Variants in GGNBP2 observed in about 807,000 individuals in gnomAD.
GGNBP2 encodes gametogenetin-binding protein 2.
GGNBP2 carries 10 observed loss-of-function variants against 85.9 expected under a neutral mutation model. The ratio of observed to expected loss-of-function variants is 0.12; its 90% CI spans 0.07 to 0.20. The LOEUF (loss-of-function observed/expected upper bound fraction) is 0.20, where lower values mean the gene tolerates loss of function less well. GGNBP2 is among the 10% of genes least tolerant of loss of function. The probability of loss-of-function intolerance (pLI) is 1.00; values close to 1 mark genes in which losing one functional copy is unlikely to be tolerated. For synonymous variants in GGNBP2, 287 were observed against 285.7 expected, an observed-to-expected ratio of 1.00 and a Z score of -0.05; for missense variants, 595 against 857.8, an observed-to-expected ratio of 0.69 and a Z score of 3.83.
At chr17:36,576,591 ATATATGTG>A (rs1347571869) in intron 6 of GGNBP2, 6 of 49,178 alleles carry the variant, frequency 1.2e-4, no homozygotes, top group Non-Finnish European at 2.3e-4. Context: ...AAAAATATAT[ATATATGTG>A]TGTGTGTGTG....
chr17:36,585,524 G>A (rs1170476993), intron 10 of GGNBP2, 74 bp downstream of exon 10: 1 of 1,035,296 alleles, frequency 9.7e-7, no homozygotes, highest in African/African-American at 1.6e-5. Context: ...AGAGCTTTTA[G>A]AGATTCTGTG....
At chr17:36,570,259 T>G (rs1046848048) in intron 6 of GGNBP2, among the ~76,000 whole-genome samples, 1 of 152,116 alleles carries the variant, frequency 6.6e-6, no homozygotes, top group Non-Finnish European at 1.5e-5. Context: ...AAACCTGTAG[T>G]CCTAGCTACT....
intron 6 of GGNBP2, among the ~76,000 whole-genome samples, chr17:36,571,047 G>A (rs1025841774): frequency 1.7e-4 from 26 of 152,046 alleles, no homozygotes; most frequent in African/African-American, 5.8e-4. Flanking sequence ...GTAGAACATC[G>A]GCAGATACTA....
intron 10 of GGNBP2, 129 bp from the exon 11 acceptor site, chr17:36,585,711 C>G: frequency 2.6e-6 from 2 of 767,968 alleles, no homozygotes; most frequent in East Asian, 5.7e-5. Context: ...AAAAATCCTT[C>G]ATTGGAAATG....
chr17:36,570,699 G>A (rs1023803982), intron 6 of GGNBP2, among the ~76,000 whole-genome samples: 10 of 151,296 alleles, frequency 6.6e-5, no homozygotes, highest in African/African-American at 1.9e-4. Flanking sequence ...GTGAAACTTC[G>A]TTCCCAAAAA....
Position 36,586,997 on chromosome 17 carries a change from A to T in GGNBP2, c.1642A>T (p.Ile548Phe). 1 of 1,612,012 alleles carries T rather than the reference A, an allele frequency of 6.2e-7. No individual in the cohort carries two copies. Among genetic ancestry groups the T allele is most frequent in the Non-Finnish European group, 8.5e-7 (1 of 1,179,348 alleles). ...KSKILKCDEH[I>F]QKLGSCITDP... Reference sequence around the variant, plus strand: ...GTGAAATCCTTTGCTGTGGTATCAGATCCAGAAGCTTGGAAGCTGTATTAC... The same window carrying T: ...GTGAAATCCTTTGCTGTGGTATCAGTTCCAGAAGCTTGGAAGCTGTATTAC... The change falls in exon 13 of 14, where the codon ATC becomes TTC. Residue 548 changes from isoleucine to phenylalanine, a missense_variant and splice_region_variant. Coordinates refer to ENST00000613102, the MANE Select transcript of GGNBP2 (RefSeq NM_024835.5).
intron 6 of GGNBP2, among the ~76,000 whole-genome samples, chr17:36,573,259 C>T (rs1248576105): frequency 6.6e-6 from 1 of 152,028 alleles, no homozygotes; most frequent in Non-Finnish European, 1.5e-5. Context: ...ATTACAGGCA[C>T]ACACCACCAC....
chr17:36,574,660 C>A, intron 6 of GGNBP2: 1 of 596,848 alleles, frequency 1.7e-6, no homozygotes, highest in Non-Finnish European at 3.0e-6. Flanking sequence ...CAGTGTAGCC[C>A]CTGGCTAAGG....
At chr17:36,578,683 A>G (rs1303177205) in intron 7 of GGNBP2, 1 of 155,680 alleles carries the variant, frequency 6.4e-6, no homozygotes, top group Admixed American at 6.4e-5. Context: ...AAATCAGATG[A>G]TGATGTTAAT....
intron 2 of GGNBP2, among the ~76,000 whole-genome samples, chr17:36,554,322 A>AAG (rs1217843712): frequency 6.7e-6 from 1 of 150,332 alleles, no homozygotes; most frequent in East Asian, 1.9e-4. Flanking sequence ...AAAAAAAAAA[A>AAG]AAAAATGGAA....
In GGNBP2 at chr17:36,549,616, G is replaced by A. The variant is rs75860961; in HGVS notation, c.93+3799G>A. 3.6e-5 allele frequency among the ~76,000 whole-genome samples: 5 copies of A among 138,268 alleles called. No homozygotes were observed. The South Asian group carries it at 1.1e-3, about 32-fold the overall frequency. 90.7% of individuals were successfully genotyped at this position (138,268 alleles called of 152,430 possible). A position where few individuals can be genotyped will look rare whatever the true frequency, so the allele number is the denominator to read the frequency against. ...GTGTAATTTCAGTCCTAGACACACA[G>A]ATACAGTTAATATATTCTGTAACTT... On this transcript the variant is annotated intron_variant, in intron 2 of 13. Coordinates refer to ENST00000613102, the MANE Select transcript of GGNBP2 (RefSeq NM_024835.5).
chr17:36,565,180 A>G (rs747182150), intron 5 of GGNBP2, among the ~76,000 whole-genome samples: 3 of 152,226 alleles, frequency 2.0e-5, no homozygotes, highest in Non-Finnish European at 4.4e-5. Flanking sequence ...AAAAGTGGAC[A>G]TTGGATTTAG....
chr17:36,562,062 G>A (rs546301821), intron 5 of GGNBP2, among the ~76,000 whole-genome samples: 23 of 152,332 alleles, frequency 1.5e-4, no homozygotes, highest in African/African-American at 5.5e-4. Flanking sequence ...GCCTGGGGGT[G>A]GGGATAGTGA....
intron 5 of GGNBP2, among the ~76,000 whole-genome samples, chr17:36,564,748 T>C (rs1385235169): frequency 6.6e-6 from 1 of 151,610 alleles, no homozygotes; most frequent in African/African-American, 2.4e-5. Flanking sequence ...CCACTCCCCC[T>C]CCTGCTGCTA....
chr17:36,551,258 G>A (rs961520763), intron 2 of GGNBP2, among the ~76,000 whole-genome samples: 3 of 150,850 alleles, frequency 2.0e-5, no homozygotes, highest in South Asian at 2.1e-4. Context: ...TCAAGCTGGC[G>A]TGCAATGGCA....
In GGNBP2 at chr17:36,557,291, G is replaced by A; in HGVS notation, c.383G>A (p.Cys128Tyr). 1.2e-6 allele frequency: 2 copies of A among 1,613,894 alleles called. No individual in the cohort carries two copies. The change falls in exon 4 of 14, where the codon TGC becomes TAC. Residue 128 changes from cysteine to tyrosine, a missense_variant. Cys to Tyr is a radical substitution (Grantham distance 194). This residue lies in a region of GGNBP2 where 216 missense variants were observed against 293.4 expected (regional missense o/e 0.74). Transcript: ENST00000613102. ...PKGVLSVTRSCMTDAKKLYTL... is the reference protein window; with the variant it reads ...PKGVLSVTRSYMTDAKKLYTL... ...GGAGTCCTGTCTGTAACTAGAAGCT[G>A]CATGACTGATGCAAAGAAGCTTTAT...
chr17:36,553,787 T>C (rs997399672), intron 2 of GGNBP2, among the ~76,000 whole-genome samples: 3 of 152,198 alleles, frequency 2.0e-5, no homozygotes, highest in Non-Finnish European at 4.4e-5. Context: ...ATCAGGATGC[T>C]GCTTGAATTT....
chr17:36,575,225 C>T, intron 6 of GGNBP2: 1 of 637,368 alleles, frequency 1.6e-6, no homozygotes, highest in Non-Finnish European at 2.9e-6. Context: ...TCAGCCCCAG[C>T]CCCGGCCCCG....
intron 3 of GGNBP2, among the ~76,000 whole-genome samples, chr17:36,555,146 A>G (rs1374569288): frequency 6.6e-6 from 1 of 152,222 alleles, no homozygotes; most frequent in African/African-American, 2.4e-5. Flanking sequence ...TTTTAAAACC[A>G]GGCCATCTTT....
Sources: gnomAD v4.1 joint callset for allele counts (sites outside exome capture counted in the v4.1 genomes callset) on GRCh38, gnomAD v4.1.1 for gene constraint, gnomAD v4.1.1 regional missense constraint, MANE v1.5 for transcripts, NCBI Gene and HGNC (gene_info 2026-07-23, HGNC 2026-07-21) for gene names.